Variants in ATF6 observed in about 807,000 individuals in gnomAD.
ATF6 encodes the protein activating transcription factor 6.
In ATF6, 53 loss-of-function variants were observed where a neutral mutation model predicts 83.6. That is an observed-to-expected ratio of 0.63 (90% CI 0.51 to 0.80). ATF6 has a LOEUF of 0.80. Ranked by LOEUF, ATF6 falls within the 30% of genes least tolerant of loss-of-function variation. The probability of loss-of-function intolerance (pLI) is 0.00; values close to 1 mark genes in which losing one functional copy is unlikely to be tolerated. For synonymous variants in ATF6, 288 were observed against 285.8 expected (o/e 1.01, Z -0.08); for missense variants, 744 against 797.9 (o/e 0.93, Z 0.81).
In ATF6 at chr1:161,788,572, CT is replaced by C. The variant is rs572027594; in HGVS notation, c.355-2827del. Among the ~76,000 whole-genome samples, 151 of 151,376 alleles carry C rather than the reference CT, an allele frequency of 1.0e-3. 1 individual carries two copies. The highest frequency in any genetic ancestry group is 1.7e-3 in the Non-Finnish European group (115 of 67,734). On this transcript the variant is annotated intron_variant, in intron 4 of 15. Coordinates refer to ENST00000367942, the MANE Select transcript of ATF6 (RefSeq NM_007348.4). ...TTAATTTTCAATTACTCAGGCTTAT[CT>C]TTTTTTTTCTTTTCCTTTATGGCTT...
At chr1:161,809,390 T>C (rs1283437534) in intron 7 of ATF6, among the ~76,000 whole-genome samples, 1 of 152,228 alleles carries the variant, frequency 6.6e-6, no homozygotes. Flanking sequence ...TTTTTATGGC[T>C]GCATAGTATT....
intron 15 of ATF6, among the ~76,000 whole-genome samples, chr1:161,915,547 T>G (rs553393499): frequency 2.9e-4 from 44 of 152,312 alleles, no homozygotes; most frequent in African/African-American, 1.0e-3. Flanking sequence ...TCAAAGACTT[T>G]ACTCTGCATT....
intron 9 of ATF6, among the ~76,000 whole-genome samples, chr1:161,833,346 G>A (rs1013818948): frequency 3.9e-5 from 6 of 152,256 alleles, no homozygotes; most frequent in South Asian, 4.1e-4. Context: ...AAATCAGAGC[G>A]CCTCTCCTCC....
At chr1:161,820,610 G>A (rs887982923) in intron 8 of ATF6, among the ~76,000 whole-genome samples, 3 of 152,048 alleles carry the variant, frequency 2.0e-5, no homozygotes, top group Admixed American at 6.6e-5. Context: ...AGTTAGCTGG[G>A]TGTAGTGCAC....
chr1:161,793,497 T>C (rs1008497144), intron 6 of ATF6, among the ~76,000 whole-genome samples: 1 of 152,258 alleles, frequency 6.6e-6, no homozygotes, highest in African/African-American at 2.4e-5. Flanking sequence ...AAATGCAGGA[T>C]TTAATGTATG....
chr1:161,780,676 G>A (rs1294753137), intron 2 of ATF6, among the ~76,000 whole-genome samples: 1 of 151,786 alleles, frequency 6.6e-6, no homozygotes, highest in African/African-American at 2.4e-5. Context: ...CCCGGCCGAG[G>A]TGTATTTTAT....
At chr1:161,889,258 A>G (rs761016698) in intron 14 of ATF6, among the ~76,000 whole-genome samples, 1 of 152,230 alleles carries the variant, frequency 6.6e-6, no homozygotes, top group African/African-American at 2.4e-5. Context: ...CTGCTGCCAG[A>G]CAGCCTTCTT....
At chr1:161,862,264 A>T (rs566720249) in intron 13 of ATF6, among the ~76,000 whole-genome samples, 10 of 152,330 alleles carry the variant, frequency 6.6e-5, no homozygotes, top group African/African-American at 2.4e-4. Flanking sequence ...TTCAAAGGAA[A>T]TTCTTATGAC....
At chr1:161,900,976 C>T (rs1687775673) in intron 14 of ATF6, among the ~76,000 whole-genome samples, 1 of 152,002 alleles carries the variant, frequency 6.6e-6, no homozygotes. Context: ...GTTATGTAAA[C>T]ATATGACATA....
chr1:161,837,372 A>G (rs959707093), intron 9 of ATF6, among the ~76,000 whole-genome samples: 2 of 152,212 alleles, frequency 1.3e-5, no homozygotes, highest in African/African-American at 2.4e-5. Flanking sequence ...ATTTATGACT[A>G]ATGTCAGTAT....
intron 14 of ATF6, among the ~76,000 whole-genome samples, chr1:161,883,649 AGCATAAAAGCAGTCTTT>A (rs1394183644): frequency 6.6e-6 from 1 of 152,072 alleles, no homozygotes; most frequent in African/African-American, 2.4e-5. Context: ...TTTCACTTGT[AGCATAAAAGCAGTCTTT>A]AGTGTTATCT....
intron 14 of ATF6, among the ~76,000 whole-genome samples, chr1:161,900,684 A>T (rs1314120902): frequency 6.6e-6 from 1 of 152,120 alleles, no homozygotes; most frequent in African/African-American, 2.4e-5. Context: ...TATCTCCTTA[A>T]TGTTATAGTG....
At chr1:161,927,982 A>T (rs1033128262) in intron 15 of ATF6, among the ~76,000 whole-genome samples, 1 of 152,224 alleles carries the variant, frequency 6.6e-6, no homozygotes, top group Non-Finnish European at 1.5e-5. Context: ...ATTACCAAAT[A>T]GTTTTAAGTT....
At chr1:161,897,161 CG>C (rs1456064127) in intron 14 of ATF6, among the ~76,000 whole-genome samples, 4 of 152,022 alleles carry the variant, frequency 2.6e-5, no homozygotes, top group African/African-American at 9.7e-5. Flanking sequence ...GAGCTGGGCT[CG>C]GTGGCACACA....
At chr1:161,930,404 T>C (rs947361445) in intron 15 of ATF6, among the ~76,000 whole-genome samples, 2 of 152,232 alleles carry the variant, frequency 1.3e-5, no homozygotes, top group Non-Finnish European at 2.9e-5. Flanking sequence ...CAGTGATCTA[T>C]TTTTTAGATT....
At chr1:161,773,235 G>A (rs1027462642) in intron 1 of ATF6, among the ~76,000 whole-genome samples, 2 of 150,668 alleles carry the variant, frequency 1.3e-5, no homozygotes, top group Non-Finnish European at 2.9e-5. Flanking sequence ...CCAGGTTCAC[G>A]CCATTCTTCT....
intron 7 of ATF6, among the ~76,000 whole-genome samples, chr1:161,815,919 GAC>G (rs1685600930): frequency 6.6e-6 from 1 of 152,198 alleles, no homozygotes; most frequent in African/African-American, 2.4e-5. Flanking sequence ...CAGCCTGGGT[GAC>G]AGAGTGAGAT....
intron 9 of ATF6, among the ~76,000 whole-genome samples, chr1:161,826,162 C>T (rs1007366292): frequency 3.3e-5 from 5 of 151,938 alleles, no homozygotes; most frequent in African/African-American, 1.2e-4. Context: ...CAGTAGTACT[C>T]GATGAAGGAA....
chr1:161,923,175 G>T (rs1198091583), intron 15 of ATF6, among the ~76,000 whole-genome samples: 1 of 151,966 alleles, frequency 6.6e-6, no homozygotes. Context: ...CTCATTTATG[G>T]CTTTATCTAA....
Sources: allele counts gnomAD v4.1 joint callset (sites outside exome capture counted in the v4.1 genomes callset), GRCh38; gene constraint gnomAD v4.1.1; transcripts MANE v1.5; gene names NCBI Gene and HGNC (gene_info 2026-07-23, HGNC 2026-07-21).